Variants in COL16A1 observed in about 807,000 individuals in gnomAD.
COL16A1 encodes collagen alpha-1(XVI) chain.
In COL16A1, 189 loss-of-function variants were observed where a neutral mutation model predicts 266.3. The ratio of observed to expected loss-of-function variants is 0.71; its 90% CI spans 0.63 to 0.80. The LOEUF is 0.80. Among genes scored for constraint, COL16A1 ranks in the 30% least tolerant of loss-of-function variants. The pLI, the probability that COL16A1 is intolerant of heterozygous loss-of-function variation, is 0.00. For synonymous variants in COL16A1, 740 were observed against 782.3 expected, an observed-to-expected ratio of 0.95 and a Z score of 0.90; for missense variants, 1,928 against 2,122.4, an observed-to-expected ratio of 0.91 and a Z score of 1.80.
At chr1:31,654,582 G>A (rs753470239) in intron 68 of COL16A1, among the ~76,000 whole-genome samples, 25 of 152,202 alleles carry the variant, frequency 1.6e-4, no homozygotes, top group Non-Finnish European at 3.2e-4. Context: ...GGGAATGCAG[G>A]AGGGAATCAT....
intron 12 of COL16A1, among the ~76,000 whole-genome samples, chr1:31,693,797 C>T (rs1318189489): frequency 2.6e-5 from 4 of 152,232 alleles, no homozygotes; most frequent in East Asian, 3.8e-4. Flanking sequence ...CATTCTAACA[C>T]ACCCTGTCAG....
chr1:31,674,690 G>A, intron 44 of COL16A1, among the ~76,000 whole-genome samples: 1 of 152,216 alleles, frequency 6.6e-6, no homozygotes, highest in East Asian at 1.9e-4. Context: ...GCTGGGCTCT[G>A]CCGCAGGGTG....
rs1643515199 is a variant in COL16A1, at chr1:31,680,093, T to C, written c.2619A>G (p.Pro873=). The change falls in exon 40 of 71, where the codon CCA becomes CCG. Residue 873 remains proline (P), a synonymous_variant. Transcript: ENST00000373672. The stretch of plus-strand genomic sequence containing the variant: ...CTTGAGAGGGGCAGGAGCACTCCCC[T>C]GGCTCACCCTGAAAATACAAGAGCC... ...EKGPRGEKGE[P]GECSCPSQGD... 6.8e-6 allele frequency: 11 copies of C among 1,613,402 alleles called. No homozygotes were observed. The South Asian group carries it at 1.1e-4, about 16-fold the overall frequency.
rs1642367627 is a variant in COL16A1, at chr1:31,668,711, A to G, written c.3249+91T>C. 5 of 1,423,432 alleles carry G rather than the reference A, an allele frequency of 3.5e-6. No individual in the cohort carries two copies. The highest frequency in any genetic ancestry group is 5.0e-6 in the Non-Finnish European group (5 of 1,009,182). The allele number at this position is 1,423,432 out of a possible 1,614,324, so 88.2% of individuals were successfully genotyped here. A position where few individuals can be genotyped will look rare whatever the true frequency, so the allele number is the denominator to read the frequency against. On this transcript the variant is annotated intron_variant, in intron 50 of 70. Coordinates refer to ENST00000373672, the MANE Select transcript of COL16A1 (RefSeq NM_001856.4). This position sits in a 1 kb window ranked among gnomAD's most constrained non-coding sequence, Gnocchi z 5.8. Reference sequence around the variant, plus strand: ...TCAAGGAGTCCACCTCCCAGCTTCCACTCAGCAGCCACCCTTCAGAGCTCA... The same window carrying G: ...TCAAGGAGTCCACCTCCCAGCTTCCGCTCAGCAGCCACCCTTCAGAGCTCA...
chr1:31,694,447 T>C (rs1644407428), intron 11 of COL16A1, among the ~76,000 whole-genome samples: 1 of 152,204 alleles, frequency 6.6e-6, no homozygotes, highest in Admixed American at 6.5e-5. Flanking sequence ...TTGGTTTCCA[T>C]GGTAACCTCT....
Position 31,689,778 on chromosome 1 carries a change from C to G in COL16A1, c.1583G>C (p.Gly528Ala), listed in dbSNP as rs773177491. The stretch of plus-strand genomic sequence containing the variant: ...AGGATCACCAGGCTCCCCTTTGGGC[C>G]CTGGCTTTCCAGGAAGTCCAACAAA... ...QNFVGLPGKP[G>A]PKGEPGDPVP... The change falls in exon 23 of 71, where the codon GGG (glycine) becomes GCG (alanine). Residue 528 changes from glycine (G) to alanine (A), a missense_variant. Coordinates refer to ENST00000373672, the MANE Select transcript of COL16A1 (RefSeq NM_001856.4). The G allele has an allele frequency of 1.2e-6, 2 of 1,614,128 alleles. No individual in the cohort carries two copies. The highest frequency in any genetic ancestry group is 1.7e-6 in the Non-Finnish European group (2 of 1,180,016).
At position 31,686,085 on chromosome 1, in the gene COL16A1, A is replaced by G; in HGVS notation, c.1884+6T>C. The G allele has an allele frequency of 1.9e-6, 3 of 1,613,642 alleles. No homozygotes were observed. Among genetic ancestry groups the G allele is most frequent in the Non-Finnish European group, 2.5e-6 (3 of 1,179,872 alleles). On this transcript the variant is annotated splice_donor_region_variant and intron_variant, in intron 28 of 70. Transcript: ENST00000373672. ...GCTGCAGCACGGAGAATGTCCCCAG[A>G]CTCACCTTCGCCCCTTTGATGCCTG...
chr1:31,660,977 G>A, intron 61 of COL16A1, 89 bp downstream of exon 61: 2 of 1,392,572 alleles, frequency 1.4e-6, no homozygotes, highest in Non-Finnish European at 1.9e-6. Flanking sequence ...CAGCCACTTT[G>A]CCAGTGAGCA....
In COL16A1 at chr1:31,663,084, T is replaced by A; in HGVS notation, c.3556-426A>T. 4.2e-6 allele frequency: 1 copy of A among 236,404 alleles called. No individual in the cohort carries two copies. Among genetic ancestry groups the A allele is most frequent in the South Asian group, 5.7e-5 (1 of 17,456 alleles). 14.6% of individuals were successfully genotyped at this position (236,404 alleles called of 1,614,324 possible). ...CATCCCAGCAGACATGGGCCCGGGC[T>A]GCACAGAGGCCTCAACAGCGCACGC... On this transcript the variant is annotated intron_variant, in intron 56 of 70. Transcript: ENST00000373672. The surrounding 1 kb of genome is among the most constrained non-coding windows in gnomAD (Gnocchi z 4.9).
In COL16A1 at chr1:31,661,407, C is replaced by T. The variant is rs765385479; in HGVS notation, c.3771+7G>A. On this transcript the variant is annotated splice_region_variant and intron_variant, in intron 60 of 70. Transcript: ENST00000373672. ...TAACCTGCTTGGCAGAGGTCACCAG[C>T]CCTTACCTTAGGTCCTGGGAGGCCA... 1 of 1,613,918 alleles carries T rather than the reference C, an allele frequency of 6.2e-7. No individual in the cohort carries two copies. Among genetic ancestry groups the T allele is most frequent in the Non-Finnish European group, 8.5e-7 (1 of 1,180,050 alleles).
At chr1:31,701,489 G>A in intron 2 of COL16A1, 1 of 985,414 alleles carries the variant, frequency 1.0e-6, no homozygotes, top group Non-Finnish European at 1.2e-6. Context: ...AAGCAGCTGA[G>A]CTACTGAGCC....
At chr1:31,674,173 G>A (rs563801408) in intron 44 of COL16A1, among the ~76,000 whole-genome samples, 27 of 152,296 alleles carry the variant, frequency 1.8e-4, no homozygotes, top group African/African-American at 5.5e-4. Flanking sequence ...AAGGCCCATC[G>A]GGGTCATGGG....
chr1:31,682,381 A>G (rs1057413936), intron 37 of COL16A1, among the ~76,000 whole-genome samples: 2 of 152,232 alleles, frequency 1.3e-5, no homozygotes, highest in African/African-American at 4.8e-5. Context: ...ACATGGGGCT[A>G]TTTAAATTTA....
intron 47 of COL16A1, among the ~76,000 whole-genome samples, chr1:31,672,200 A>G (rs1185431007): frequency 6.6e-6 from 1 of 152,166 alleles, no homozygotes; most frequent in Non-Finnish European, 1.5e-5. Context: ...CCTGGAGAAG[A>G]GCGTTGCAGG....
At chr1:31,681,533 C>A (rs1043784911) in intron 37 of COL16A1, among the ~76,000 whole-genome samples, 1 of 152,236 alleles carries the variant, frequency 6.6e-6, no homozygotes, top group African/African-American at 2.4e-5. Flanking sequence ...TCAGCCCCTC[C>A]AAGAAATTGG....
intron 26 of COL16A1, among the ~76,000 whole-genome samples, chr1:31,687,091 C>T (rs945832083): frequency 1.1e-4 from 16 of 152,110 alleles, no homozygotes; most frequent in African/African-American, 3.6e-4. Context: ...CATTAAACTA[C>T]CGGGTGAAGG....
Position 31,657,208 on chromosome 1 carries a change from T to C in COL16A1, c.4021-140A>G. ...CTCCAGCCCTCACCCTCTGACAATC[T>C]GGGCACAGGCCGTGGAAACTTAGAC... On this transcript the variant is annotated intron_variant, in intron 64 of 70. Transcript: ENST00000373672. The surrounding 1 kb of genome is among the most constrained non-coding windows in gnomAD (Gnocchi z 6.4). The C allele has an allele frequency of 2.8e-6, 3 of 1,070,642 alleles. No homozygotes were observed. The highest frequency in any genetic ancestry group is 4.2e-6 in the Non-Finnish European group (3 of 708,580). The allele number at this position is 1,070,642 out of a possible 1,614,324, so 66.3% of individuals were successfully genotyped here. A position where few individuals can be genotyped will look rare whatever the true frequency, so the allele number is the denominator to read the frequency against.
intron 30 of COL16A1, 68 bp downstream of exon 30, chr1:31,684,752 GA>G: frequency 6.2e-7 from 1 of 1,612,230 alleles, no homozygotes. Flanking sequence ...AGGGAGGGAG[GA>G]AAATGAGGCA....
At chr1:31,666,613 C>T (rs1187775002) in intron 52 of COL16A1, among the ~76,000 whole-genome samples, 1 of 152,090 alleles carries the variant, frequency 6.6e-6, no homozygotes. Flanking sequence ...TCCCCCCTTC[C>T]TAGGTCCCCT....
Sources: gnomAD v4.1 joint callset for allele counts (sites outside exome capture counted in the v4.1 genomes callset) on GRCh38, gnomAD v4.1.1 for gene constraint, Gnocchi (gnomAD v3.1) non-coding constraint, MANE v1.5 for transcripts, NCBI Gene and HGNC (gene_info 2026-07-23, HGNC 2026-07-21) for gene names.